Variants in WNK2 observed in about 807,000 individuals in gnomAD.
The protein encoded by WNK2 is WNK lysine deficient protein kinase 2.
Under a neutral mutation model 192.1 loss-of-function variants are expected in WNK2, and 67 were observed. The observed-to-expected ratio is 0.35, with a 90% CI of 0.29 to 0.43. The LOEUF (loss-of-function observed/expected upper bound fraction) is 0.43, where lower values mean the gene tolerates loss of function less well. Among genes scored for constraint, WNK2 ranks in the 20% least tolerant of loss-of-function variants. The pLI, the probability that WNK2 is intolerant of heterozygous loss-of-function variation, is 1.00. For missense variants in WNK2, 2,698 were observed against 3,089.7 expected, an observed-to-expected ratio of 0.87 and a Z score of 3.01; for synonymous variants, 1,439 against 1,393.9, an observed-to-expected ratio of 1.03 and a Z score of -0.72.
chr9:93,206,468 C>T (rs548200481), intron 2 of WNK2, among the ~76,000 whole-genome samples: 102 of 152,248 alleles, frequency 6.7e-4, no homozygotes, highest in African/African-American at 2.3e-3. Context: ...CTGAGAAGCA[C>T]GTGGCTTGCC....
intron 19 of WNK2, among the ~76,000 whole-genome samples, chr9:93,282,544 TACTC>T (rs1342538322): frequency 1.3e-5 from 2 of 151,906 alleles, no homozygotes; most frequent in Middle Eastern, 3.5e-3. Context: ...AGCACACTAA[TACTC>T]ACCTAGAGGA....
intron 19 of WNK2, among the ~76,000 whole-genome samples, chr9:93,275,069 AG>A (rs370991004): frequency 0.88 from 133,456 of 152,208 alleles, 59,692 homozygotes; most frequent in East Asian, 1. Flanking sequence ...TTAAAAGGAC[AG>A]TGTGCCATGA....
Position 93,289,138 on chromosome 9 carries a change from G to T in WNK2, c.4384G>T (p.Ala1462Ser). 1 of 1,601,428 alleles carries T rather than the reference G, an allele frequency of 6.2e-7. No homozygotes were observed. The highest frequency in any genetic ancestry group is 1.3e-5 in the African/African-American group (1 of 74,840). The change falls in exon 20 of 30, where the codon GCT becomes TCT. Residue 1462 changes from alanine (A) to serine (S), a missense_variant. Transcript: ENST00000427277. ...AGCACCTTGCACTCCAGCTCCAGAG[G>T]CTGCCTCAACCAGGGACGCCAGTGC... is the stretch of plus-strand genomic sequence containing the variant. ...GLAPCTPAPEAASTRDASAPR... is the reference protein window; with the variant it reads ...GLAPCTPAPESASTRDASAPR...
chr9:93,278,943 C>T (rs1847333825), intron 19 of WNK2, among the ~76,000 whole-genome samples: 1 of 152,208 alleles, frequency 6.6e-6, no homozygotes, highest in Non-Finnish European at 1.5e-5. Flanking sequence ...CAATTATAAA[C>T]ATCTTCAGAA....
At chr9:93,284,527 A>G (rs901387324) in intron 19 of WNK2, among the ~76,000 whole-genome samples, 1 of 144,076 alleles carries the variant, frequency 6.9e-6, no homozygotes, top group Non-Finnish European at 1.5e-5. Flanking sequence ...TCTCTTTGAG[A>G]TGGGGAACAA....
intron 24 of WNK2, among the ~76,000 whole-genome samples, 193 bp downstream of exon 24, chr9:93,298,260 A>C (rs1057368415): frequency 9.9e-5 from 15 of 152,204 alleles, no homozygotes; most frequent in African/African-American, 3.4e-4. Flanking sequence ...CTCCGTCCTC[A>C]TGCAGAGAGG....
rs969351415 is a variant in WNK2, at chr9:93,302,804, C to T, written c.6214+2655C>T. ...GACCCCTAGGGAGTGCAAGGCCCTG[C>T]TTAGAACCCCTGTGAGCTGGGCCCC... On this transcript the variant is annotated intron_variant, in intron 26 of 29. Coordinates refer to ENST00000427277, the MANE Select transcript of WNK2 (RefSeq NM_006648.4). Among the ~76,000 whole-genome samples, 13 of 152,298 alleles carry T rather than the reference C, an allele frequency of 8.5e-5. No individual in the cohort carries two copies. In the East Asian group the frequency reaches 2.5e-3, roughly 29 times the overall value.
Position 93,292,336 on chromosome 9 carries a change from C to T in WNK2, c.4965C>T (p.Gly1655=). The change falls in exon 22 of 30, where the codon GGC becomes GGT. Residue 1655 remains glycine (G), a synonymous_variant. Transcript: ENST00000427277. ...AGTCGTCTCCCAGGAGTATGCTAGG[C>T]TATGACAGAGATGGAAGGCAGGTGG... The part of the protein sequence containing the change: ...TAESSPRSML[G]YDRDGRQVAS... The T allele has an allele frequency of 6.2e-7, 1 of 1,613,952 alleles. No homozygotes were observed. Among genetic ancestry groups the T allele is most frequent in the South Asian group, 1.1e-5 (1 of 91,084 alleles).
chr9:93,264,252 C>T (rs780945928), intron 16 of WNK2, among the ~76,000 whole-genome samples: 1 of 152,170 alleles, frequency 6.6e-6, no homozygotes, highest in Non-Finnish European at 1.5e-5. Context: ...GATGTTCTAA[C>T]CATTCTAAGA....
chr9:93,195,699 C>CAAA (rs59357990), intron 2 of WNK2, among the ~76,000 whole-genome samples: 2,046 of 41,230 alleles, frequency 0.05, 249 homozygotes, highest in Non-Finnish European at 0.066. Flanking sequence ...GACTTTGTCT[C>CAAA]AAAAAAAAAA....
intron 2 of WNK2, among the ~76,000 whole-genome samples, chr9:93,225,169 G>A (rs1837602278): frequency 6.6e-6 from 1 of 152,202 alleles, no homozygotes; most frequent in Non-Finnish European, 1.5e-5. Flanking sequence ...GGAGGCCAAG[G>A]CAGGAGGATC....
chr9:93,302,822 T>A (rs979231523), intron 26 of WNK2, among the ~76,000 whole-genome samples: 7 of 152,144 alleles, frequency 4.6e-5, no homozygotes, highest in Non-Finnish European at 1.0e-4. Flanking sequence ...CCCTGTGAGC[T>A]GGGCCCCTTG....
chr9:93,184,837 G>C (rs1828985314), intron 1 of WNK2, 91 bp from the exon 2 acceptor site: 2 of 1,108,180 alleles, frequency 1.8e-6, no homozygotes, highest in Admixed American at 4.5e-5. Context: ...TGGGCAGGTT[G>C]CGGGCTTAGG....
chr9:93,217,375 G>C (rs919435219), intron 2 of WNK2, among the ~76,000 whole-genome samples: 3 of 152,206 alleles, frequency 2.0e-5, no homozygotes, highest in Admixed American at 2.0e-4. Flanking sequence ...CTACTGTTTT[G>C]GGCCGCACAA....
Position 93,259,674 on chromosome 9 carries a change from A to T in WNK2, c.3066+60A>T. Reference sequence around the variant, plus strand: ...GCGTCTGGGGACCCTCAGGACCCAGAGATGCAAAGGAGGACAGAGGCAGGC... The same window carrying T: ...GCGTCTGGGGACCCTCAGGACCCAGTGATGCAAAGGAGGACAGAGGCAGGC... On this transcript the variant is annotated intron_variant, in intron 12 of 29. Coordinates refer to ENST00000427277, the MANE Select transcript of WNK2 (RefSeq NM_006648.4). This position sits in a 1 kb window ranked among gnomAD's most constrained non-coding sequence, Gnocchi z 4.8. 1 of 1,434,730 alleles carries T rather than the reference A, an allele frequency of 7.0e-7. No homozygotes were observed. Among genetic ancestry groups the T allele is most frequent in the Non-Finnish European group, 9.2e-7 (1 of 1,087,034 alleles). 88.9% of individuals were successfully genotyped at this position (1,434,730 alleles called of 1,614,324 possible). A position where few individuals can be genotyped will look rare whatever the true frequency, so the allele number is the denominator to read the frequency against.
At chr9:93,192,063 C>A (rs1830424287) in intron 2 of WNK2, among the ~76,000 whole-genome samples, 1 of 149,906 alleles carries the variant, frequency 6.7e-6, no homozygotes, top group African/African-American at 2.5e-5. Context: ...TGCCTGTAAT[C>A]CCAGCACTTT....
At chr9:93,185,677 T>G (rs1829164410) in intron 2 of WNK2, 67 bp downstream of exon 2, 5 of 1,536,166 alleles carry the variant, frequency 3.3e-6, no homozygotes, top group Admixed American at 2.0e-5. Flanking sequence ...CTTGGGCCTG[T>G]CCTTGCTCCT....
intron 2 of WNK2, among the ~76,000 whole-genome samples, chr9:93,213,537 C>A (rs1407230079): frequency 6.6e-6 from 1 of 152,164 alleles, no homozygotes; most frequent in African/African-American, 2.4e-5. Flanking sequence ...CACCTGTAAT[C>A]CCAGCACTTT....
At chr9:93,285,432 C>T (rs1848312843) in intron 19 of WNK2, among the ~76,000 whole-genome samples, 1 of 152,034 alleles carries the variant, frequency 6.6e-6, no homozygotes, top group South Asian at 2.1e-4. Flanking sequence ...TTTCTGTATA[C>T]CAACAACAAT....
Sources: allele counts gnomAD v4.1 joint callset (sites outside exome capture counted in the v4.1 genomes callset), GRCh38; gene constraint gnomAD v4.1.1; non-coding constraint Gnocchi (gnomAD v3.1); transcripts MANE v1.5; gene names NCBI Gene and HGNC (gene_info 2026-07-23, HGNC 2026-07-21).